Variants in TIGAR observed in about 807,000 individuals in gnomAD.
TIGAR encodes the protein fructose-2,6-bisphosphatase TIGAR.
In TIGAR, 7 loss-of-function variants were observed where a neutral mutation model predicts 17.9. That is an observed-to-expected ratio of 0.39 (90% CI 0.22 to 0.73). TIGAR has a LOEUF of 0.73. TIGAR is among the 30% of genes least tolerant of loss of function. The pLI is 0.42. For synonymous variants in TIGAR, 94 were observed against 108.6 expected (o/e 0.87, Z 0.84); for missense variants, 258 against 327.4 (o/e 0.79, Z 1.64).
chr12:4,341,269 CA>C (rs1864716716), intron 3 of TIGAR, among the ~76,000 whole-genome samples: 8 of 136,492 alleles, frequency 5.9e-5, no homozygotes, highest in South Asian at 2.3e-4. Flanking sequence ...ATACAAATGA[CA>C]AAGAGAGGGG....
At position 4,357,068 on chromosome 12, in the gene TIGAR, A is replaced by C. The variant is rs1249454883; in HGVS notation, c.*4377A>C. The stretch of plus-strand genomic sequence containing the variant: ...ATGCTATGTCATACTCAGCAAGGAC[A>C]TGCTCATATTAGGGGAAGCACATAA... On this transcript the variant is annotated 3_prime_UTR_variant, in exon 6 of 6. Transcript: ENST00000179259. Among the ~76,000 whole-genome samples, 2 of 152,248 alleles carry C rather than the reference A, an allele frequency of 1.3e-5. No individual in the cohort carries two copies. Among genetic ancestry groups the C allele is most frequent in the African/African-American group, 4.8e-5 (2 of 41,474 alleles).
rs1193461429 is a variant in TIGAR at position 4,359,128 on chromosome 12, C to T, written c.*6437C>T. On this transcript the variant is annotated 3_prime_UTR_variant, in exon 6 of 6. Transcript: ENST00000179259. ...CTCTGTTTTTTTTTTCTTTAGCCAA[C>T]TCACGCCATGACTCTACTTTTGCTT... 6.7e-6 allele frequency among the ~76,000 whole-genome samples: 1 copy of T among 150,290 alleles called. No individual in the cohort carries two copies. Among genetic ancestry groups the T allele is most frequent in the Non-Finnish European group, 1.5e-5 (1 of 67,726 alleles).
At position 4,337,058 on chromosome 12, in the gene TIGAR, T is replaced by C. The variant is rs1864667955; in HGVS notation, c.90T>C (p.Pro30=). The change falls in exon 3 of 6, where the codon CCT becomes CCC. Residue 30 remains proline, a synonymous_variant. Coordinates refer to ENST00000179259, the MANE Select transcript of TIGAR (RefSeq NM_020375.3). The part of the protein sequence containing the change: ...KIIQGQGVDE[P]LSETGFKQAA... ...TCACAGGACAAGGAGTAGATGAACC[T>C]CTTTCAGAAACTGGATTTAAACAAG... is the stretch of plus-strand genomic sequence containing the variant. The C allele has an allele frequency of 4.3e-6, 7 of 1,611,820 alleles. No individual in the cohort carries two copies. In the Middle Eastern group the frequency reaches 5.0e-4, roughly 114 times the overall value.
chr12:4,322,389 C>T (rs901417174), intron 1 of TIGAR, among the ~76,000 whole-genome samples: 4 of 152,180 alleles, frequency 2.6e-5, no homozygotes, highest in East Asian at 3.8e-4. Flanking sequence ...TCCTGATATG[C>T]AAATGATAGT....
intron 1 of TIGAR, among the ~76,000 whole-genome samples, chr12:4,327,536 C>T (rs1423374924): frequency 6.6e-6 from 1 of 152,186 alleles, no homozygotes; most frequent in Admixed American, 6.5e-5. Flanking sequence ...GAAAGCTCAG[C>T]TGCCATGCAT....
chr12:4,323,030 CG>C (rs1277175058), intron 1 of TIGAR, among the ~76,000 whole-genome samples: 3 of 148,800 alleles, frequency 2.0e-5, no homozygotes, highest in African/African-American at 7.5e-5. Flanking sequence ...CGTTGGGGGG[CG>C]GAAGTGGGTG....
chr12:4,322,280 A>C (rs1864490136), intron 1 of TIGAR, among the ~76,000 whole-genome samples: 1 of 152,184 alleles, frequency 6.6e-6, no homozygotes, highest in South Asian at 2.1e-4. Flanking sequence ...TACAGGCATG[A>C]GCCACCGCGC....
chr12:4,344,146 C>T (rs540705733), intron 3 of TIGAR, among the ~76,000 whole-genome samples: 9 of 152,108 alleles, frequency 5.9e-5, no homozygotes, highest in East Asian at 1.9e-4. Flanking sequence ...ATAAATTCCT[C>T]GACACCTACA....
intron 3 of TIGAR, among the ~76,000 whole-genome samples, chr12:4,341,193 G>GA (rs1394589425): frequency 1.3e-5 from 2 of 151,842 alleles, no homozygotes; most frequent in African/African-American, 4.8e-5. Flanking sequence ...AACTTTATAG[G>GA]AAAAAATCTA....
intron 4 of TIGAR, among the ~76,000 whole-genome samples, chr12:4,350,781 AAAAAAAAAAG>A (rs1385634336): frequency 6.6e-5 from 10 of 152,044 alleles, no homozygotes; most frequent in Admixed American, 1.3e-4. Context: ...CGTCTCAAAA[AAAAAAAAAAG>A]AAAAAAAAAG....
chr12:4,345,503 T>C (rs1864769961), intron 3 of TIGAR, among the ~76,000 whole-genome samples: 1 of 152,128 alleles, frequency 6.6e-6, no homozygotes, highest in Non-Finnish European at 1.5e-5. Context: ...AAACAAGAAA[T>C]GGGGAAAGGA....
At chr12:4,322,808 C>T (rs899606087) in intron 1 of TIGAR, among the ~76,000 whole-genome samples, 1 of 152,042 alleles carries the variant, frequency 6.6e-6, no homozygotes, top group African/African-American at 2.4e-5. Context: ...TATCTCTTCT[C>T]CCACCCCTCT....
In TIGAR at chr12:4,331,317, G is replaced by C; in HGVS notation, c.70G>C (p.Gly24Arg). The change falls in exon 2 of 6, where the codon GGA becomes CGA. Residue 24 changes from glycine to arginine, a missense_variant and splice_region_variant. Gly to Arg is a moderately radical substitution (Grantham distance 125, BLOSUM62 -2). Transcript: ENST00000179259. ...TRFNKEKIIQGQGVDEPLSET... is the reference protein window; with the variant it reads ...TRFNKEKIIQRQGVDEPLSET... ...ATTTAACAAGGAGAAAATAATCCAA[G>C]GTTGGTATAATCCGATTGTTATTTT... The C allele has an allele frequency of 6.2e-7, 1 of 1,609,324 alleles. No homozygotes were observed. The highest frequency in any genetic ancestry group is 8.5e-7 in the Non-Finnish European group (1 of 1,175,702).
At position 4,352,595 on chromosome 12, in the gene TIGAR, C is replaced by T; in HGVS notation, c.717C>T (p.Ile239=). The change falls in exon 6 of 6, where the codon ATC becomes ATT. Residue 239 remains isoleucine, a synonymous_variant. Coordinates refer to ENST00000179259, the MANE Select transcript of TIGAR (RefSeq NM_020375.3). ...CCAATACAGGGATGAGTCTCTTTAT[C>T]ATAAACTTTGAGGAAGGAAGAGAAG... ...VTPNTGMSLF[I]INFEEGREVK... 7 of 1,612,998 alleles carry T rather than the reference C, an allele frequency of 4.3e-6. No homozygotes were observed. The highest frequency in any genetic ancestry group is 5.9e-6 in the Non-Finnish European group (7 of 1,180,012).
chr12:4,344,572 T>C (rs1291218330), intron 3 of TIGAR, among the ~76,000 whole-genome samples: 7 of 152,180 alleles, frequency 4.6e-5, no homozygotes, highest in Non-Finnish European at 8.8e-5. Context: ...TGGTTCAACA[T>C]ATGCAGATCA....
chr12:4,340,234 C>T (rs1189883430), intron 3 of TIGAR, among the ~76,000 whole-genome samples: 3 of 152,066 alleles, frequency 2.0e-5, no homozygotes, highest in Non-Finnish European at 4.4e-5. Context: ...AAGCAAGATA[C>T]AAAAATCAGT....
At position 4,321,823 on chromosome 12, in the gene TIGAR, T is replaced by C. The variant is rs1017212668; in HGVS notation, c.32+520T>C. Among the ~76,000 whole-genome samples, 1 of 152,050 alleles carries C rather than the reference T, an allele frequency of 6.6e-6. No homozygotes were observed. Among genetic ancestry groups the C allele is most frequent in the African/African-American group, 2.4e-5 (1 of 41,386 alleles). On this transcript the variant is annotated intron_variant, in intron 1 of 5. Coordinates refer to ENST00000179259, the MANE Select transcript of TIGAR (RefSeq NM_020375.3). This position sits in a 1 kb window ranked among gnomAD's most constrained non-coding sequence, Gnocchi z 5.2. ...CTTTCTTTTCCCCAGAGGTTACAGT[T>C]CTGGGAGAGAAAAGAGGATCACAGC...
Position 4,359,186 on chromosome 12 carries a change from C to T in TIGAR, c.*6495C>T, listed in dbSNP as rs1864948056. 6.6e-6 allele frequency among the ~76,000 whole-genome samples: 1 copy of T among 151,810 alleles called. No individual in the cohort carries two copies. Among genetic ancestry groups the T allele is most frequent in the Non-Finnish European group, 1.5e-5 (1 of 67,978 alleles). Reference sequence around the variant, plus strand: ...TATTAGTTGGCATTCTGTACTAAGACAGCTTTACCCTTCTTGCCTACTTAT... The same window carrying T: ...TATTAGTTGGCATTCTGTACTAAGATAGCTTTACCCTTCTTGCCTACTTAT... On this transcript the variant is annotated 3_prime_UTR_variant, in exon 6 of 6. Coordinates refer to ENST00000179259, the MANE Select transcript of TIGAR (RefSeq NM_020375.3).
intron 3 of TIGAR, among the ~76,000 whole-genome samples, chr12:4,339,328 G>A (rs1438424247): frequency 6.6e-6 from 1 of 152,104 alleles, no homozygotes; most frequent in Non-Finnish European, 1.5e-5. Flanking sequence ...CTAGACACGT[G>A]CAACCTACCA....
Sources: allele counts gnomAD v4.1 joint callset (sites outside exome capture counted in the v4.1 genomes callset), GRCh38; gene constraint gnomAD v4.1.1; non-coding constraint Gnocchi (gnomAD v3.1); transcripts MANE v1.5; gene names NCBI Gene and HGNC (gene_info 2026-07-23, HGNC 2026-07-21).